The following KIZ variants were observed in gnomAD, a reference collection of about 807,000 sequenced individuals.
KIZ encodes the protein centrosomal protein kizuna.
KIZ carries 68 observed loss-of-function variants against 79.6 expected under a neutral mutation model. The ratio of observed to expected loss-of-function variants is 0.85; its 90% CI spans 0.70 to 1.05. KIZ has a LOEUF of 1.05. Ranked by LOEUF, KIZ falls within the 50% of genes least tolerant of loss-of-function variation. The pLI is 0.00. For missense variants in KIZ, 797 were observed against 800.4 expected, an observed-to-expected ratio of 1.00 and a Z score of 0.05; for synonymous variants, 280 against 281.8, an observed-to-expected ratio of 0.99 and a Z score of 0.06.
In KIZ at chr20:21,178,282, A is replaced by G. The variant is rs181711557; in HGVS notation, c.1352+15123A>G. Among the ~76,000 whole-genome samples, 456 of 152,066 alleles carry G rather than the reference A, an allele frequency of 3.0e-3. 3 individuals are homozygous for G. Among genetic ancestry groups the G allele is most frequent in the Non-Finnish European group, 3.8e-3 (258 of 67,858 alleles). ...AATGTTTTGTAGTTTTTAGCATGGA[A>G]GTCTTGTACCTCCTTAATTAAGTTT... On this transcript the variant is annotated intron_variant, in intron 6 of 12. Coordinates refer to ENST00000619189, the MANE Select transcript of KIZ (RefSeq NM_018474.6).
chr20:21,156,045 C>T (rs1056160613), intron 4 of KIZ, among the ~76,000 whole-genome samples: 2 of 152,202 alleles, frequency 1.3e-5, no homozygotes, highest in African/African-American at 4.8e-5. Flanking sequence ...TTTCACCTAA[C>T]CTTCCTCAGT....
At chr20:21,194,482 T>G (rs1285187709) in intron 6 of KIZ, 3 of 152,264 alleles carry the variant, frequency 2.0e-5, no homozygotes, top group Admixed American at 2.0e-4. Context: ...TGAGTTCTTT[T>G]GAGCAAAAGA....
At chr20:21,187,921 A>G (rs1320682906) in intron 6 of KIZ, among the ~76,000 whole-genome samples, 1 of 152,220 alleles carries the variant, frequency 6.6e-6, no homozygotes, top group Non-Finnish European at 1.5e-5. Context: ...TTGTATGATA[A>G]TAAGACATTT....
chr20:21,160,388 G>A (rs1446034338), intron 4 of KIZ, among the ~76,000 whole-genome samples: 1 of 152,102 alleles, frequency 6.6e-6, no homozygotes, highest in African/African-American at 2.4e-5. Context: ...AAACCTGTTT[G>A]GATAACACCT....
chr20:21,136,525 A>C lies in KIZ; in HGVS notation c.288A>C (p.Thr96=). The change falls in exon 3 of 13, where the codon ACA becomes ACC. Residue 96 remains threonine, a synonymous_variant. Coordinates refer to ENST00000619189, the MANE Select transcript of KIZ (RefSeq NM_018474.6). ...RVQAHVVHFT[T]NTEKLQKLKL... is the part of the protein sequence containing the mutation. ...AAGCTCATGTTGTACACTTCACCAC[A>C]AATACAGAGAAGCTTCAAAAACTGA... 1.3e-6 allele frequency: 2 copies of C among 1,569,824 alleles called. No homozygotes were observed. The highest frequency in any genetic ancestry group is 1.7e-6 in the Non-Finnish European group (2 of 1,161,382).
intron 4 of KIZ, among the ~76,000 whole-genome samples, chr20:21,153,379 C>T (rs758900600): frequency 3.3e-5 from 5 of 151,956 alleles, no homozygotes; most frequent in Non-Finnish European, 7.4e-5. Context: ...GGTGACAATT[C>T]GTAAAGATTG....
intron 3 of KIZ, among the ~76,000 whole-genome samples, chr20:21,142,117 A>G (rs1248657546): frequency 2.0e-5 from 3 of 151,808 alleles, no homozygotes; most frequent in African/African-American, 4.9e-5. Context: ...ACATACACAC[A>G]TACACACTCT....
intron 2 of KIZ, 68 bp from the exon 3 acceptor site, chr20:21,136,319 TGAA>T: frequency 1.1e-6 from 1 of 895,418 alleles, no homozygotes; most frequent in Non-Finnish European, 1.7e-6. Flanking sequence ...ACAATTTTGA[TGAA>T]GAAAATTCCC....
intron 6 of KIZ, among the ~76,000 whole-genome samples, chr20:21,178,139 A>C (rs1230245808): frequency 6.6e-6 from 1 of 152,000 alleles, no homozygotes; most frequent in African/African-American, 2.4e-5. Context: ...TTTGATAGCA[A>C]TTTCATAGAA....
rs2033751310 is a variant in KIZ at position 21,162,993 on chromosome 20, C to T, written c.1186C>T (p.Pro396Ser). 1 of 1,613,828 alleles carries T rather than the reference C, an allele frequency of 6.2e-7. No individual in the cohort carries two copies. The highest frequency in any genetic ancestry group is 8.5e-7 in the Non-Finnish European group (1 of 1,179,824). The change falls in exon 6 of 13, where the codon CCA becomes TCA. Residue 396 changes from proline (P) to serine (S), a missense_variant. Pro to Ser is a moderately conservative substitution (Grantham distance 74). Transcript: ENST00000619189. ...GATTTTAGAGAGCCCAGAACCACAG[C>T]CAAATCCAGGTGGCAAGATGGAGGG... Reference protein sequence around the residue: ...DLILESPEPQPNPGGKMEGED... With the variant: ...DLILESPEPQSNPGGKMEGED...
chr20:21,219,147 A>G (rs2036410875), intron 9 of KIZ, among the ~76,000 whole-genome samples: 1 of 150,694 alleles, frequency 6.6e-6, no homozygotes, highest in South Asian at 2.1e-4. Flanking sequence ...AGGGCACAGT[A>G]GCTCTTTAAA....
At position 21,246,465 on chromosome 20, in the gene KIZ, G is replaced by A. The variant is rs2037391002; in HGVS notation, c.1925-14G>A. Reference sequence around the variant, plus strand: ...TGCAAAAATGTTAAATAACTGTCTGGTTTTATTTTCCAGCCCTCTGGGATG... The same window carrying A: ...TGCAAAAATGTTAAATAACTGTCTGATTTTATTTTCCAGCCCTCTGGGATG... On this transcript the variant is annotated splice_polypyrimidine_tract_variant and intron_variant, in intron 12 of 12. Coordinates refer to ENST00000619189, the MANE Select transcript of KIZ (RefSeq NM_018474.6). 3.9e-6 allele frequency: 6 copies of A among 1,538,816 alleles called. No individual in the cohort carries two copies. Among genetic ancestry groups the A allele is most frequent in the East Asian group, 2.2e-5 (1 of 44,550 alleles).
At chr20:21,128,413 G>C (rs2031621062) in intron 1 of KIZ, among the ~76,000 whole-genome samples, 1 of 152,276 alleles carries the variant, frequency 6.6e-6, no homozygotes, top group South Asian at 2.1e-4. Context: ...GAGCAACCCT[G>C]GGTAGTCACA....
chr20:21,210,803 A>G (rs747089865), intron 7 of KIZ, among the ~76,000 whole-genome samples: 10 of 151,970 alleles, frequency 6.6e-5, no homozygotes, highest in South Asian at 2.1e-4. Flanking sequence ...GATGAAAATG[A>G]CATCCAATTT....
chr20:21,223,948 G>A (rs1011673354), intron 9 of KIZ, among the ~76,000 whole-genome samples: 1 of 151,926 alleles, frequency 6.6e-6, no homozygotes, highest in Non-Finnish European at 1.5e-5. Context: ...AGAGTGCTGG[G>A]ATTACAGGCG....
chr20:21,242,917 G>A (rs1015876770), intron 11 of KIZ, among the ~76,000 whole-genome samples: 5 of 152,136 alleles, frequency 3.3e-5, no homozygotes, highest in African/African-American at 1.2e-4. Flanking sequence ...ATGGACCGCG[G>A]CTGGCAAATT....
At position 21,126,090 on chromosome 20, in the gene KIZ, T is replaced by A; in HGVS notation, c.-26T>A. On this transcript the variant is annotated 5_prime_UTR_variant, in exon 1 of 13. Coordinates refer to ENST00000619189, the MANE Select transcript of KIZ (RefSeq NM_018474.6). ...CGGCCGAACGGCCACCCAGAGGCTG[T>A]GCTGAGCTGGCGCAGCGGCAGCAGC... The A allele has an allele frequency of 6.6e-7, 1 of 1,503,988 alleles. No individual in the cohort carries two copies. The allele number at this position is 1,503,988 out of a possible 1,614,324, so 93.2% of individuals were successfully genotyped here. A position where few individuals can be genotyped will look rare whatever the true frequency, so the allele number is the denominator to read the frequency against.
intron 6 of KIZ, among the ~76,000 whole-genome samples, chr20:21,191,184 A>G (rs1903284797): frequency 6.6e-6 from 1 of 152,246 alleles, no homozygotes; most frequent in African/African-American, 2.4e-5. Context: ...AATAGTTACT[A>G]GGTATCCATC....
In KIZ at chr20:21,215,567, T is replaced by G. The variant is rs1600567382; in HGVS notation, c.1613-16T>G. 6.6e-7 allele frequency: 1 copy of G among 1,516,484 alleles called. No individual in the cohort carries two copies. Among genetic ancestry groups the G allele is most frequent in the Non-Finnish European group, 9.1e-7 (1 of 1,099,356 alleles). 93.9% of individuals were successfully genotyped at this position (1,516,484 alleles called of 1,614,324 possible). On this transcript the variant is annotated splice_polypyrimidine_tract_variant and intron_variant, in intron 8 of 12. Coordinates refer to ENST00000619189, the MANE Select transcript of KIZ (RefSeq NM_018474.6). ...ACTTTGAAATACTTTTTTTTTATTATGCATTCAATTTTTAGAAGTTTCAAG... is the reference window on the plus strand; with the variant it reads ...ACTTTGAAATACTTTTTTTTTATTAGGCATTCAATTTTTAGAAGTTTCAAG...
Sources: gnomAD v4.1 joint callset for allele counts (sites outside exome capture counted in the v4.1 genomes callset) on GRCh38, gnomAD v4.1.1 for gene constraint, MANE v1.5 for transcripts, NCBI Gene and HGNC (gene_info 2026-07-23, HGNC 2026-07-21) for gene names.